Variants in FSD2 observed in about 807,000 individuals in gnomAD.
FSD2 encodes fibronectin type III and SPRY domain-containing protein 2.
In FSD2, 71 loss-of-function variants were observed where a neutral mutation model predicts 80.4. The observed-to-expected ratio is 0.88, with a 90% CI of 0.73 to 1.08. The LOEUF is 1.08. FSD2 is among the 50% of genes least tolerant of loss of function. The pLI is 0.00. For missense variants in FSD2, 923 were observed against 913.8 expected (o/e 1.01, Z -0.13); for synonymous variants, 361 against 329.5 (o/e 1.10, Z -1.03).
At chr15:82,762,411 A>C in intron 11 of FSD2, 133 bp from the exon 12 acceptor site, 1 of 707,558 alleles carries the variant, frequency 1.4e-6, no homozygotes, top group Middle Eastern at 3.1e-4. Flanking sequence ...TGGACACTTA[A>C]CTTGTAAAGT....
In FSD2 at chr15:82,786,980, C is replaced by T; in HGVS notation, c.411G>A (p.Trp137Ter). 6.2e-7 allele frequency: 1 copy of T among 1,614,016 alleles called. No homozygotes were observed. The highest frequency in any genetic ancestry group is 8.5e-7 in the Non-Finnish European group (1 of 1,179,892). ...AEAEDLGFGG[W>*]GSAGQCQDLR... ...AGTCCTGGCACTGGCCTGCTGAGCCCCACCCTCCGAAGCCCAGGTCCTCGG... is the reference window on the plus strand; with the variant it reads ...AGTCCTGGCACTGGCCTGCTGAGCCTCACCCTCCGAAGCCCAGGTCCTCGG... Residue 137 changes from tryptophan to a stop codon, truncating the protein, a stop_gained, in exon 2 of 13, where the codon TGG (tryptophan) becomes TGA (stop). Coordinates refer to ENST00000334574, the MANE Select transcript of FSD2 (RefSeq NM_001007122.4). LOFTEE classifies it high-confidence loss of function.
intron 12 of FSD2, 80 bp downstream of exon 12, chr15:82,762,022 T>G (rs1487089480): frequency 8.4e-6 from 10 of 1,184,474 alleles, no homozygotes; most frequent in South Asian, 1.7e-5. Context: ...AACGTGTGTC[T>G]TAATTATTGC....
chr15:82,762,307 A>C, intron 11 of FSD2, 29 bp from the exon 12 acceptor site: 1 of 1,605,874 alleles, frequency 6.2e-7, no homozygotes, highest in Non-Finnish European at 8.5e-7. Context: ...AGCATGTGTG[A>C]TCTGGGGTGC....
In FSD2 at chr15:82,759,329, A is replaced by T; in HGVS notation, c.*19T>A. ...AGAGGGGTAGGCATGGAAGACAGGA[A>T]ACTGGACATCAGAATGTTCTAATAG... On this transcript the variant is annotated 3_prime_UTR_variant, in exon 13 of 13. Transcript: ENST00000334574. The T allele has an allele frequency of 6.2e-7, 1 of 1,609,868 alleles. No homozygotes were observed. The highest frequency in any genetic ancestry group is 8.5e-7 in the Non-Finnish European group (1 of 1,178,192).
At chr15:82,769,659 T>G in intron 8 of FSD2, 91 bp downstream of exon 8, 5 of 1,429,452 alleles carry the variant, frequency 3.5e-6, no homozygotes, top group Non-Finnish European at 4.7e-6. Context: ...CCCTTCTGAA[T>G]GAAATCAAGA....
chr15:82,769,848 A>T lies in FSD2; in HGVS notation c.1304T>A (p.Val435Glu). The part of the protein sequence containing the change: ...TVTVKETYCS[V>E]TNLVPNTQYE... ...CTGGGTATTTGGCACAAGGTTTGTC[A>T]CTGAGCAATATGTTTCTTTGACAGT... is the stretch of plus-strand genomic sequence containing the variant. The change falls in exon 8 of 13, where the codon GTG becomes GAG. Residue 435 changes from valine to glutamate, a missense_variant. By Grantham distance (121) the Val-to-Glu change is moderately radical. Coordinates refer to ENST00000334574, the MANE Select transcript of FSD2 (RefSeq NM_001007122.4). 6.2e-7 allele frequency: 1 copy of T among 1,613,998 alleles called. No individual in the cohort carries two copies. The highest frequency in any genetic ancestry group is 1.1e-5 in the South Asian group (1 of 91,090).
At chr15:82,805,163 G>A in intron 1 of FSD2, among the ~76,000 whole-genome samples, 1 of 69,258 alleles carries the variant, frequency 1.4e-5, no homozygotes, top group African/African-American at 5.2e-5. Flanking sequence ...TTTTTTTTTA[G>A]AGACAGGTTC....
At chr15:82,801,409 C>A (rs945435429) in intron 1 of FSD2, among the ~76,000 whole-genome samples, 2 of 152,188 alleles carry the variant, frequency 1.3e-5, no homozygotes, top group Non-Finnish European at 2.9e-5. Context: ...GACAAAAACA[C>A]AAGAACCAAC....
chr15:82,767,235 T>C (rs1109373), intron 9 of FSD2, among the ~76,000 whole-genome samples: 72,520 of 152,054 alleles, frequency 0.48, 17,276 homozygotes, highest in Admixed American at 0.51. Flanking sequence ...GACAAGTTGA[T>C]AGTGTGCTGT....
intron 1 of FSD2, among the ~76,000 whole-genome samples, chr15:82,789,525 A>C (rs571115089): frequency 2.6e-5 from 4 of 152,028 alleles, no homozygotes; most frequent in Non-Finnish European, 4.4e-5. Flanking sequence ...AGATGAGTCA[A>C]CTGTGTCTCA....
chr15:82,793,344 A>C (rs1448593783), intron 1 of FSD2, among the ~76,000 whole-genome samples: 1 of 151,946 alleles, frequency 6.6e-6, no homozygotes, highest in Non-Finnish European at 1.5e-5. Context: ...TTTCACGTCA[A>C]GAAATAACTT....
At chr15:82,789,261 TA>T (rs1203146240) in intron 1 of FSD2, among the ~76,000 whole-genome samples, 5 of 151,838 alleles carry the variant, frequency 3.3e-5, no homozygotes, top group African/African-American at 7.3e-5. Context: ...GAAAAAGACA[TA>T]CAATATGATG....
chr15:82,783,662 G>A (rs2049925878), intron 3 of FSD2, among the ~76,000 whole-genome samples: 1 of 152,116 alleles, frequency 6.6e-6, no homozygotes, highest in African/African-American at 2.4e-5. Flanking sequence ...GATTCTGCCC[G>A]ATATTGGACC....
rs139988921 is a variant in FSD2, at chr15:82,785,601, G to A, written c.735+910C>T. 4.8e-3 allele frequency among the ~76,000 whole-genome samples: 728 copies of A among 152,292 alleles called. 4 individuals are homozygous for A. Among genetic ancestry groups the A allele is most frequent in the Middle Eastern group, 0.014 (4 of 294 alleles). On this transcript the variant is annotated intron_variant, in intron 3 of 12. Transcript: ENST00000334574. ...GGCCTCCCAAAGTGCTGGGATTACAGGCGTTAGCCACCGTGCCCAGCCATA... is the reference window on the plus strand; with the variant it reads ...GGCCTCCCAAAGTGCTGGGATTACAAGCGTTAGCCACCGTGCCCAGCCATA...
At position 82,787,377 on chromosome 15, in the gene FSD2, G is replaced by A. The variant is rs1596253550; in HGVS notation, c.14C>T (p.Ser5Leu). The A allele has an allele frequency of 2.5e-6, 4 of 1,605,354 alleles. No homozygotes were observed. Among genetic ancestry groups the A allele is most frequent in the Non-Finnish European group, 2.6e-6 (3 of 1,175,084 alleles). Residue 5 changes from serine to leucine, a missense_variant, in exon 2 of 13, where the codon TCG becomes TTG. Coordinates refer to ENST00000334574, the MANE Select transcript of FSD2 (RefSeq NM_001007122.4). MEEE[S>L]GEELGLDRST... ...CCTGTCCAGCCCCAGTTCCTCCCCC[G>A]ATTCCTCCTCCATTGTAACTCTGGA...
chr15:82,805,686 A>G (rs1300791958), intron 1 of FSD2, among the ~76,000 whole-genome samples: 1 of 152,254 alleles, frequency 6.6e-6, no homozygotes, highest in East Asian at 1.9e-4. Context: ...AATGGGTCCC[A>G]GCACTACAGA....
intron 1 of FSD2, among the ~76,000 whole-genome samples, chr15:82,795,422 C>A (rs1476251246): frequency 6.6e-6 from 1 of 152,046 alleles, no homozygotes; most frequent in Non-Finnish European, 1.5e-5. Flanking sequence ...CATTCCAATT[C>A]TTAACTTTCT....
At chr15:82,776,572 G>C (rs2049717781) in intron 6 of FSD2, among the ~76,000 whole-genome samples, 1 of 152,118 alleles carries the variant, frequency 6.6e-6, no homozygotes, top group Non-Finnish European at 1.5e-5. Flanking sequence ...AAACACTGAT[G>C]AAAGAAATTG....
intron 1 of FSD2, among the ~76,000 whole-genome samples, chr15:82,788,341 C>A (rs922905634): frequency 1.5e-3 from 185 of 126,396 alleles, no homozygotes; most frequent in African/African-American, 1.5e-3. Context: ...ACCAAAAATA[C>A]AAAAAAAAAA....
Sources: allele counts gnomAD v4.1 joint callset (sites outside exome capture counted in the v4.1 genomes callset), GRCh38; gene constraint gnomAD v4.1.1; transcripts MANE v1.5; gene names NCBI Gene and HGNC (gene_info 2026-07-23, HGNC 2026-07-21).